LRBA: variants seen among roughly 807,000 people sequenced by gnomAD.
LRBA encodes LPS responsive beige-like anchor protein.
A neutral mutation model predicts 330.0 loss-of-function variants in LRBA; 176 were observed. The observed-to-expected ratio is 0.53, with a 90% CI of 0.47 to 0.60. LRBA has a LOEUF of 0.60. Ranked by LOEUF, LRBA falls within the 20% of genes least tolerant of loss-of-function variation. The probability of loss-of-function intolerance (pLI) is 0.00; values close to 1 mark genes in which losing one functional copy is unlikely to be tolerated. For synonymous variants in LRBA, 1,230 were observed against 1,193.0 expected (o/e 1.03, Z -0.64); for missense variants, 3,259 against 3,444.8 (o/e 0.95, Z 1.35).
At chr4:150,405,128 G>A (rs1469954469) in intron 47 of LRBA, among the ~76,000 whole-genome samples, 1 of 152,148 alleles carries the variant, frequency 6.6e-6, no homozygotes, top group African/African-American at 2.4e-5. Context: ...CCCTAACAGA[G>A]AAGTGACATC....
chr4:150,286,959 T>C (rs757648864), intron 53 of LRBA, among the ~76,000 whole-genome samples: 3 of 152,218 alleles, frequency 2.0e-5, no homozygotes, highest in Non-Finnish European at 2.9e-5. Flanking sequence ...ACTAAACGGA[T>C]CCTTTACTTT....
intron 2 of LRBA, among the ~76,000 whole-genome samples, chr4:150,950,574 CAA>C (rs35609214): frequency 6.8e-6 from 1 of 147,416 alleles, no homozygotes; most frequent in African/African-American, 2.5e-5. Flanking sequence ...TTTTCTCCAC[CAA>C]AAAAAAAAAA....
chr4:150,395,004 G>C (rs759974064), intron 47 of LRBA, among the ~76,000 whole-genome samples: 43 of 152,178 alleles, frequency 2.8e-4, no homozygotes, highest in Non-Finnish European at 4.7e-4. Context: ...AAAAGTGATA[G>C]GGAGACTAGA....
At chr4:150,355,069 A>G (rs1307915687) in intron 47 of LRBA, among the ~76,000 whole-genome samples, 1 of 151,950 alleles carries the variant, frequency 6.6e-6, no homozygotes, top group African/African-American at 2.4e-5. Context: ...AGTGTTATAT[A>G]AAATTATTAT....
Position 150,608,895 on chromosome 4 carries a change from T to A in LRBA, c.5922-9764A>T, listed in dbSNP as rs190105171. On this transcript the variant is annotated intron_variant, in intron 37 of 56. Coordinates refer to ENST00000651943, the MANE Select transcript of LRBA (RefSeq NM_001364905.1). ...GACTGGCTTCTTTCACTCAGCATAA[T>A]GTTTTTGAGGTTCATCTATGTTGTA... is the stretch of plus-strand genomic sequence containing the variant. Among the ~76,000 whole-genome samples the A allele has an allele frequency of 2.2e-3, 341 of 152,336 alleles. 7 individuals are homozygous for A. The highest frequency in any genetic ancestry group is 6.5e-4 in the Non-Finnish European group (44 of 68,028).
At chr4:150,731,797 T>C (rs771905007) in intron 36 of LRBA, among the ~76,000 whole-genome samples, 4 of 152,026 alleles carry the variant, frequency 2.6e-5, no homozygotes, top group Non-Finnish European at 4.4e-5. Context: ...CAGGAGACAA[T>C]AGTCAATAAT....
chr4:150,310,160 A>C lies in LRBA; in HGVS notation c.7849+69T>G, dbSNP rs533551155. 4.8e-6 allele frequency: 5 copies of C among 1,043,442 alleles called. No homozygotes were observed. In the Admixed American group the frequency reaches 6.3e-5, roughly 13 times the overall value. 64.6% of individuals were successfully genotyped at this position (1,043,442 alleles called of 1,614,324 possible). On this transcript the variant is annotated intron_variant, in intron 52 of 56. Coordinates refer to ENST00000651943, the MANE Select transcript of LRBA (RefSeq NM_001364905.1). ...AATTTTTGGAAGGAAGCAGATAAGAATGCATCCTAAGCCTCTCAATACTAC... is the reference window on the plus strand; with the variant it reads ...AATTTTTGGAAGGAAGCAGATAAGACTGCATCCTAAGCCTCTCAATACTAC...
intron 37 of LRBA, among the ~76,000 whole-genome samples, chr4:150,621,212 C>T (rs1776259483): frequency 6.6e-6 from 1 of 152,120 alleles, no homozygotes; most frequent in Non-Finnish European, 1.5e-5. Context: ...CTCCAAACAT[C>T]TGCTTTGAAA....
In LRBA at chr4:150,639,360, TAAA is replaced by T. The variant is rs371245495; in HGVS notation, c.5922-40232_5922-40230del. 3.0e-4 allele frequency among the ~76,000 whole-genome samples: 32 copies of T among 106,720 alleles called. 1 individual carries two copies. In the South Asian group the frequency reaches 9.0e-3, roughly 30 times the overall value. 70.0% of individuals were successfully genotyped at this position (106,720 alleles called of 152,430 possible). A position where few individuals can be genotyped will look rare whatever the true frequency, so the allele number is the denominator to read the frequency against. ...ATGTACCCTAAAACTTAAAGTATAATAAAAAAAAAAAAGAAAAAAAAAAACAAA... is the reference window on the plus strand; with the variant it reads ...ATGTACCCTAAAACTTAAAGTATAATAAAAAAAAAGAAAAAAAAAAACAAA... On this transcript the variant is annotated intron_variant, in intron 37 of 56. Transcript: ENST00000651943.
intron 40 of LRBA, among the ~76,000 whole-genome samples, chr4:150,538,608 T>A (rs142568594): frequency 2.0e-5 from 3 of 151,470 alleles, no homozygotes; most frequent in Non-Finnish European, 4.4e-5. Flanking sequence ...GACATACAGA[T>A]GGGAACAAGA....
At chr4:150,658,538 T>C (rs1221643610) in intron 37 of LRBA, among the ~76,000 whole-genome samples, 2 of 14 alleles carry the variant, frequency 0.14, no homozygotes, top group African/African-American at 0.17. Context: ...CCTCTCCCTC[T>C]CCCTCTCCCT....
At chr4:150,465,408 C>T (rs1292399478) in intron 44 of LRBA, among the ~76,000 whole-genome samples, 1 of 152,040 alleles carries the variant, frequency 6.6e-6, no homozygotes, top group African/African-American at 2.4e-5. Context: ...ACTTTCAATT[C>T]TTTTTAATTT....
chr4:150,802,626 C>T (rs1161301879), intron 33 of LRBA, among the ~76,000 whole-genome samples: 2 of 152,074 alleles, frequency 1.3e-5, no homozygotes, highest in Admixed American at 1.3e-4. Context: ...TAATTAACAT[C>T]ATTACAATTG....
chr4:150,480,225 C>T (rs1757145745), intron 42 of LRBA, among the ~76,000 whole-genome samples: 1 of 152,038 alleles, frequency 6.6e-6, no homozygotes, highest in African/African-American at 2.4e-5. Context: ...GATGCATACA[C>T]CTACACTCTC....
chr4:150,505,271 T>C (rs2152122359), intron 40 of LRBA, among the ~76,000 whole-genome samples: 1 of 152,244 alleles, frequency 6.6e-6, no homozygotes, highest in East Asian at 1.9e-4. Context: ...ATCAACAGAA[T>C]ATACATTTTT....
At chr4:150,842,433 G>A (rs773565992) in intron 28 of LRBA, among the ~76,000 whole-genome samples, 4 of 152,144 alleles carry the variant, frequency 2.6e-5, no homozygotes, top group Non-Finnish European at 5.9e-5. Flanking sequence ...GACTAGAGGC[G>A]TGTGCTACCA....
At chr4:150,942,875 T>A (rs1216078922) in intron 2 of LRBA, among the ~76,000 whole-genome samples, 1 of 152,198 alleles carries the variant, frequency 6.6e-6, no homozygotes, top group East Asian at 1.9e-4. Context: ...AGTTAGATTT[T>A]TTTTTCTTTA....
chr4:150,763,756 G>A (rs1735400564), intron 34 of LRBA, among the ~76,000 whole-genome samples: 1 of 151,786 alleles, frequency 6.6e-6, no homozygotes, highest in Non-Finnish European at 1.5e-5. Context: ...ATCTAGTAAT[G>A]CACAAGAACA....
rs1038968232 is a variant in LRBA at position 150,490,912 on chromosome 4, C to T, written c.6448+6G>A. 31 of 1,538,630 alleles carry T rather than the reference C, an allele frequency of 2.0e-5. No homozygotes were observed. Among genetic ancestry groups the T allele is most frequent in the Non-Finnish European group, 2.3e-5 (26 of 1,114,782 alleles). On this transcript the variant is annotated splice_donor_region_variant and intron_variant, in intron 41 of 56. Coordinates refer to ENST00000651943, the MANE Select transcript of LRBA (RefSeq NM_001364905.1). Reference sequence around the variant, plus strand: ...TCTGTAACAACGTATTTCTGTAACACATTACCTCTGTTTGCCATAAAGATC... The same window carrying T: ...TCTGTAACAACGTATTTCTGTAACATATTACCTCTGTTTGCCATAAAGATC...
Sources: gnomAD v4.1 joint callset for allele counts (sites outside exome capture counted in the v4.1 genomes callset) on GRCh38, gnomAD v4.1.1 for gene constraint, MANE v1.5 for transcripts, NCBI Gene and HGNC (gene_info 2026-07-23, HGNC 2026-07-21) for gene names.